Variants in SLC35A1 observed in about 807,000 individuals in gnomAD.
The protein encoded by SLC35A1 is solute carrier family 35 member A1.
A neutral mutation model predicts 40.3 loss-of-function variants in SLC35A1; 21 were observed. The observed-to-expected ratio is 0.52, with a 90% CI of 0.37 to 0.75. SLC35A1 has a LOEUF of 0.75. Among genes scored for constraint, SLC35A1 ranks in the 30% least tolerant of loss-of-function variants. SLC35A1 has a pLI of 0.00. For synonymous variants in SLC35A1, 146 were observed against 147.3 expected, an observed-to-expected ratio of 0.99 and a Z score of 0.06; for missense variants, 297 against 382.1, an observed-to-expected ratio of 0.78 and a Z score of 1.86.
At chr6:87,504,289 C>G (rs569950790) in intron 4 of SLC35A1, among the ~76,000 whole-genome samples, 17 of 149,622 alleles carry the variant, frequency 1.1e-4, no homozygotes, top group African/African-American at 4.2e-4. Flanking sequence ...AAAAAAAAAG[C>G]TTTCTTTAAT....
intron 2 of SLC35A1, among the ~76,000 whole-genome samples, chr6:87,495,770 CTCAG>C (rs1769708341): frequency 6.6e-6 from 1 of 151,984 alleles, no homozygotes; most frequent in Admixed American, 6.5e-5. Flanking sequence ...ATCCTCCTGC[CTCAG>C]CCTCCCGAGT....
chr6:87,509,500 G>T (rs1054454715), intron 7 of SLC35A1, among the ~76,000 whole-genome samples: 1 of 152,158 alleles, frequency 6.6e-6, no homozygotes. Context: ...ATGTGAGAAG[G>T]TACTCAAGGA....
chr6:87,511,412 C>T lies in SLC35A1; in HGVS notation c.900C>T (p.Ala300=), dbSNP rs2127978558. 6.2e-7 allele frequency: 1 copy of T among 1,613,776 alleles called. No homozygotes were observed. Among genetic ancestry groups the T allele is most frequent in the Non-Finnish European group, 8.5e-7 (1 of 1,179,876 alleles). Residue 300 remains alanine (A), a synonymous_variant, in exon 8 of 8, where the codon GCC becomes GCT. Coordinates refer to ENST00000369552, the MANE Select transcript of SLC35A1 (RefSeq NM_006416.5). ...TTTTCTTTTCAGCACTCACCTTTGC[C>T]CTGGGTACTCTTCTTGTATGTGTTT... ...LFGLQITLTF[A]LGTLLVCVSI...
intron 2 of SLC35A1, among the ~76,000 whole-genome samples, chr6:87,482,411 A>C (rs1457260119): frequency 2.0e-5 from 3 of 152,238 alleles, no homozygotes; most frequent in Non-Finnish European, 4.4e-5. Context: ...TAAGTTTGGT[A>C]TTTCAATTAT....
chr6:87,508,693 C>T (rs1368518543), intron 6 of SLC35A1, 97 bp downstream of exon 6: 2 of 997,236 alleles, frequency 2.0e-6, no homozygotes. Flanking sequence ...GAAATTAATC[C>T]TTTGATACTG....
intron 2 of SLC35A1, among the ~76,000 whole-genome samples, chr6:87,491,403 A>G (rs1016049339): frequency 8.5e-5 from 13 of 152,206 alleles, no homozygotes; most frequent in African/African-American, 3.1e-4. Flanking sequence ...TAATTTGCCA[A>G]AGGAACCTAG....
At chr6:87,508,960 T>G (rs1209146694) in intron 6 of SLC35A1, 81 bp from the exon 7 acceptor site, 1 of 1,430,700 alleles carries the variant, frequency 7.0e-7, no homozygotes, top group Non-Finnish European at 9.9e-7. Context: ...GTATGGCATC[T>G]CTGGGGATGA....
At chr6:87,477,607 C>G in intron 2 of SLC35A1, 68 bp downstream of exon 2, 1 of 1,286,036 alleles carries the variant, frequency 7.8e-7, no homozygotes, top group African/African-American at 1.5e-5. Context: ...TTAGAAAATT[C>G]AAGCTACATC....
intron 4 of SLC35A1, 49 bp downstream of exon 4, chr6:87,501,359 T>G (rs1273568837): frequency 6.4e-7 from 1 of 1,554,514 alleles, no homozygotes; most frequent in Non-Finnish European, 8.8e-7. Context: ...GAAAACTTCC[T>G]TAAGTCTTAT....
Position 87,508,603 on chromosome 6 carries a change from A to G in SLC35A1, c.751+7A>G. The G allele has an allele frequency of 6.2e-7, 1 of 1,608,522 alleles. No homozygotes were observed. Among genetic ancestry groups the G allele is most frequent in the Non-Finnish European group, 8.5e-7 (1 of 1,176,518 alleles). On this transcript the variant is annotated splice_region_variant and intron_variant, in intron 6 of 7. Coordinates refer to ENST00000369552, the MANE Select transcript of SLC35A1 (RefSeq NM_006416.5). ...TATGTCTGGTTTGTCATCTGTAAGT[A>G]TCCAGGAATTAAAGGTTCTTAGTAG...
intron 2 of SLC35A1, among the ~76,000 whole-genome samples, chr6:87,487,804 G>A (rs1176745616): frequency 6.6e-6 from 1 of 152,210 alleles, no homozygotes; most frequent in African/African-American, 2.4e-5. Context: ...TTCAGCGTCA[G>A]CCAGGAATGT....
chr6:87,491,546 A>G (rs945823109), intron 2 of SLC35A1, among the ~76,000 whole-genome samples: 5 of 152,224 alleles, frequency 3.3e-5, no homozygotes, highest in Admixed American at 6.5e-5. Flanking sequence ...GCGTTGTTAG[A>G]CATTTCAGTA....
At chr6:87,482,069 T>C (rs1769260074) in intron 2 of SLC35A1, among the ~76,000 whole-genome samples, 2 of 152,238 alleles carry the variant, frequency 1.3e-5, no homozygotes, top group African/African-American at 4.8e-5. Context: ...TTTTAAATTA[T>C]ACAACATTTC....
chr6:87,492,364 CATTG>C (rs1393837588), intron 2 of SLC35A1, among the ~76,000 whole-genome samples: 1 of 151,404 alleles, frequency 6.6e-6, no homozygotes, highest in Non-Finnish European at 1.5e-5. Flanking sequence ...TTTTTCATGT[CATTG>C]ATATTAACAC....
intron 4 of SLC35A1, among the ~76,000 whole-genome samples, chr6:87,504,390 G>C (rs1319479072): frequency 6.6e-6 from 1 of 151,972 alleles, no homozygotes. Context: ...TCCTCTTGGT[G>C]ATCTGTACTT....
At chr6:87,486,520 G>A (rs1443734688) in intron 2 of SLC35A1, among the ~76,000 whole-genome samples, 1 of 152,088 alleles carries the variant, frequency 6.6e-6, no homozygotes, top group African/African-American at 2.4e-5. Context: ...AATTAAAAAG[G>A]TGTAGTTCTG....
At chr6:87,488,723 T>C (rs1769459136) in intron 2 of SLC35A1, among the ~76,000 whole-genome samples, 1 of 152,198 alleles carries the variant, frequency 6.6e-6, no homozygotes, top group South Asian at 2.1e-4. Context: ...TGGTGAGGTT[T>C]TGGAGATCTG....
At chr6:87,483,365 G>A (rs964751072) in intron 2 of SLC35A1, among the ~76,000 whole-genome samples, 2 of 151,888 alleles carry the variant, frequency 1.3e-5, no homozygotes, top group Non-Finnish European at 2.9e-5. Flanking sequence ...TCTTTCCCCC[G>A]AGAAGAAGCG....
rs1644394229 is a variant in SLC35A1 at position 87,511,380 on chromosome 6, T to A, written c.887-19T>A. ...AAAGACACACATACAGATAAAGCTA[T>A]TTTTTTTTTTCTTTTCAGCACTCAC... On this transcript the variant is annotated intron_variant, in intron 7 of 7. Transcript: ENST00000369552. 2.7e-6 allele frequency: 3 copies of A among 1,103,244 alleles called. No homozygotes were observed. Among genetic ancestry groups the A allele is most frequent in the Non-Finnish European group, 3.8e-6 (3 of 794,130 alleles). The allele number at this position is 1,103,244 out of a possible 1,614,324, so 68.3% of individuals were successfully genotyped here. A position where few individuals can be genotyped will look rare whatever the true frequency, so the allele number is the denominator to read the frequency against.
Sources: gnomAD v4.1 joint callset for allele counts (sites outside exome capture counted in the v4.1 genomes callset) on GRCh38, gnomAD v4.1.1 for gene constraint, MANE v1.5 for transcripts, NCBI Gene and HGNC (gene_info 2026-07-23, HGNC 2026-07-21) for gene names.